Variants in GPC5 observed in about 807,000 individuals in gnomAD.
GPC5 encodes the protein glypican 5, also known as glypican-5.
In GPC5, 47 loss-of-function variants were observed where a neutral mutation model predicts 53.9. The ratio of observed to expected loss-of-function variants is 0.87; its 90% CI spans 0.69 to 1.11. GPC5 has a LOEUF of 1.11. GPC5 is among the 50% of genes most tolerant of loss of function. The pLI is 0.00. For synonymous variants in GPC5, 286 were observed against 263.3 expected, an observed-to-expected ratio of 1.09 and a Z score of -0.84; for missense variants, 748 against 713.1, an observed-to-expected ratio of 1.05 and a Z score of -0.56.
intron 7 of GPC5, among the ~76,000 whole-genome samples, chr13:92,242,296 A>G (rs531194335): frequency 7.9e-5 from 12 of 152,004 alleles, no homozygotes; most frequent in African/African-American, 2.7e-4. Context: ...TCCTATTACC[A>G]GTGATACTAA....
intron 2 of GPC5, among the ~76,000 whole-genome samples, chr13:91,607,721 C>A (rs1050506649): frequency 2.0e-5 from 3 of 152,166 alleles, no homozygotes; most frequent in Non-Finnish European, 4.4e-5. Context: ...CATGGCCACC[C>A]TTCTAGACAG....
chr13:91,686,915 C>A (rs1379924889), intron 2 of GPC5, among the ~76,000 whole-genome samples: 2 of 151,918 alleles, frequency 1.3e-5, no homozygotes, highest in Non-Finnish European at 2.9e-5. Flanking sequence ...CTGAAAATTT[C>A]TCTTCAATCA....
intron 7 of GPC5, among the ~76,000 whole-genome samples, chr13:92,553,793 G>C (rs1882400968): frequency 1.3e-5 from 2 of 151,836 alleles, no homozygotes; most frequent in Admixed American, 1.3e-4. Context: ...ATTTATGTGG[G>C]TCACAGCCTA....
At chr13:92,253,955 C>A (rs2139132290) in intron 7 of GPC5, among the ~76,000 whole-genome samples, 1 of 152,118 alleles carries the variant, frequency 6.6e-6, no homozygotes, top group Non-Finnish European at 1.5e-5. Flanking sequence ...ACAACGGGTT[C>A]TATAGGAACT....
chr13:91,717,806 C>T (rs974297336), intron 3 of GPC5, among the ~76,000 whole-genome samples: 6 of 151,982 alleles, frequency 3.9e-5, no homozygotes, highest in Non-Finnish European at 4.4e-5. Flanking sequence ...CTGCCCACCT[C>T]GGCTTCCCAA....
At chr13:91,416,031 A>G (rs922099970) in intron 1 of GPC5, among the ~76,000 whole-genome samples, 1 of 152,178 alleles carries the variant, frequency 6.6e-6, no homozygotes, top group Non-Finnish European at 1.5e-5. Flanking sequence ...ATGGGTGCTT[A>G]ATAAATATTT....
rs1878855113 is a variant in GPC5, at chr13:92,470,213, A to G, written c.1561+325224A>G. On this transcript the variant is annotated intron_variant, in intron 7 of 7. Coordinates refer to ENST00000377067, the MANE Select transcript of GPC5 (RefSeq NM_004466.6). ...ACATGCACATATAAATGGTCCCATT[A>G]AAAGAGGTCTACTATATAACAGCGA... 2.0e-5 allele frequency among the ~76,000 whole-genome samples: 3 copies of G among 152,286 alleles called. No homozygotes were observed. The South Asian group carries it at 6.2e-4, about 32-fold the overall frequency.
chr13:91,972,701 T>C (rs868564001), intron 6 of GPC5, among the ~76,000 whole-genome samples: 2 of 151,068 alleles, frequency 1.3e-5, no homozygotes, highest in African/African-American at 4.9e-5. Flanking sequence ...GTCTGTAAAG[T>C]ATTTTATTTC....
At chr13:91,996,805 C>CTTTCATTGAACATTATG in intron 6 of GPC5, among the ~76,000 whole-genome samples, 1 of 152,056 alleles carries the variant, frequency 6.6e-6, no homozygotes, top group African/African-American at 2.4e-5. Flanking sequence ...TGTCTGTCTC[C>CTTTCATTGAACATTATG]TTTCATTGAA....
chr13:92,588,619 C>A (rs1180593276), intron 7 of GPC5, among the ~76,000 whole-genome samples: 1 of 152,174 alleles, frequency 6.6e-6, no homozygotes, highest in Non-Finnish European at 1.5e-5. Flanking sequence ...TAGGCATGTG[C>A]CCTGGCCCTG....
intron 6 of GPC5, among the ~76,000 whole-genome samples, chr13:91,917,868 C>G (rs970523250): frequency 2.6e-5 from 4 of 152,196 alleles, no homozygotes; most frequent in East Asian, 1.9e-4. Context: ...CCCACATCAT[C>G]TGTCTTCTTC....
intron 7 of GPC5, among the ~76,000 whole-genome samples, chr13:92,255,187 G>A (rs1157605664): frequency 6.6e-6 from 1 of 152,060 alleles, no homozygotes; most frequent in East Asian, 1.9e-4. Context: ...CAACCTCCCA[G>A]GGATGTGAAG....
At chr13:91,442,128 A>G (rs996735590) in intron 1 of GPC5, among the ~76,000 whole-genome samples, 1 of 152,186 alleles carries the variant, frequency 6.6e-6, no homozygotes, top group Non-Finnish European at 1.5e-5. Flanking sequence ...AAGCCACACA[A>G]ATGTATGGCT....
At chr13:92,074,047 G>A (rs1297170595) in intron 6 of GPC5, among the ~76,000 whole-genome samples, 1 of 151,992 alleles carries the variant, frequency 6.6e-6, no homozygotes, top group Non-Finnish European at 1.5e-5. Flanking sequence ...ATCGATTTGA[G>A]TGTCATTCAG....
rs543179992 is a variant in GPC5, at chr13:92,368,838, CG to C, written c.1561+223852del. Among the ~76,000 whole-genome samples, 292 of 152,060 alleles carry C rather than the reference CG, an allele frequency of 1.9e-3. 3 individuals are homozygous for C. Among genetic ancestry groups the C allele is most frequent in the African/African-American group, 6.7e-3 (277 of 41,490 alleles). On this transcript the variant is annotated intron_variant, in intron 7 of 7. Coordinates refer to ENST00000377067, the MANE Select transcript of GPC5 (RefSeq NM_004466.6). ...TATGACTAATTAAGTTAACTGAAGC[CG>C]GGCATATGCATTTTTGTAGGAAGAA...
intron 7 of GPC5, among the ~76,000 whole-genome samples, chr13:92,475,552 T>G (rs1248533732): frequency 6.6e-6 from 1 of 151,846 alleles, no homozygotes; most frequent in Non-Finnish European, 1.5e-5. Context: ...ACATTGATTT[T>G]GTATCCTGAG....
At chr13:92,296,718 A>C (rs565690879) in intron 7 of GPC5, among the ~76,000 whole-genome samples, 413 of 152,240 alleles carry the variant, frequency 2.7e-3, no homozygotes, top group Non-Finnish European at 5.0e-3. Flanking sequence ...GGCCAGCTGG[A>C]GTTCCGTGTG....
At chr13:92,865,498 T>C (rs1879309130) in intron 7 of GPC5, among the ~76,000 whole-genome samples, 1 of 152,036 alleles carries the variant, frequency 6.6e-6, no homozygotes, top group Non-Finnish European at 1.5e-5. Flanking sequence ...TGCCAGGGGA[T>C]GGATGTGGGG....
At chr13:92,196,699 C>T (rs1481431518) in intron 7 of GPC5, among the ~76,000 whole-genome samples, 1 of 152,156 alleles carries the variant, frequency 6.6e-6, no homozygotes, top group Non-Finnish European at 1.5e-5. Context: ...TCTAACATGC[C>T]AACATCAAAA....
Sources: gnomAD v4.1 joint callset for allele counts (sites outside exome capture counted in the v4.1 genomes callset) on GRCh38, gnomAD v4.1.1 for gene constraint, MANE v1.5 for transcripts, NCBI Gene and HGNC (gene_info 2026-07-23, HGNC 2026-07-21) for gene names.